AARS1: variants seen among roughly 807,000 people sequenced by gnomAD.
AARS1 encodes alanine--tRNA ligase, cytoplasmic.
Under a neutral mutation model 108.9 loss-of-function variants are expected in AARS1, and 72 were observed. The ratio of observed to expected loss-of-function variants is 0.66; its 90% CI spans 0.55 to 0.80. The LOEUF (loss-of-function observed/expected upper bound fraction) is 0.80, where lower values mean the gene tolerates loss of function less well. AARS1 is among the 30% of genes least tolerant of loss of function. The probability of loss-of-function intolerance (pLI) is 0.00; values close to 1 mark genes in which losing one functional copy is unlikely to be tolerated. For synonymous variants in AARS1, 489 were observed against 465.7 expected (o/e 1.05, Z -0.64); for missense variants, 1,193 against 1,233.2 (o/e 0.97, Z 0.49).
Position 70,282,754 on chromosome 16 carries a change from T to C in AARS1, c.10A>G (p.Thr4Ala). 6.2e-7 allele frequency: 1 copy of C among 1,613,594 alleles called. No individual in the cohort carries two copies. The highest frequency in any genetic ancestry group is 8.5e-7 in the Non-Finnish European group (1 of 1,179,938). Residue 4 changes from threonine (T) to alanine (A), a missense_variant, in exon 2 of 21, where the codon ACT (threonine) becomes GCT (alanine). Coordinates refer to ENST00000261772, the MANE Select transcript of AARS1 (RefSeq NM_001605.3). The stretch of plus-strand genomic sequence containing the variant: ...TGCCGGATTTCACTTGCTGTTAGAG[T>C]AGAGTCCATCTTGAAAGTCACCCCA... The part of the protein sequence containing the change: MDS[T>A]LTASEIRQRF...
Position 70,265,519 on chromosome 16 carries a change from C to T in AARS1, c.1347+19G>A. 5 of 1,613,624 alleles carry T rather than the reference C, an allele frequency of 3.1e-6. No individual in the cohort carries two copies. The highest frequency in any genetic ancestry group is 4.2e-6 in the Non-Finnish European group (5 of 1,179,788). On this transcript the variant is annotated intron_variant, in intron 10 of 20. Coordinates refer to ENST00000261772, the MANE Select transcript of AARS1 (RefSeq NM_001605.3). ...GTTGGAAGGTGTTGGGTTTCCTGTT[C>T]ACTCTCCAAGTTCTTTACCTGGGCC... is the stretch of plus-strand genomic sequence containing the variant.
intron 1 of AARS1, among the ~76,000 whole-genome samples, chr16:70,288,952 C>T (rs938477941): frequency 6.6e-6 from 1 of 152,080 alleles, no homozygotes; most frequent in African/African-American, 2.4e-5. Flanking sequence ...TCCTTTAACA[C>T]CAAGTTCGGA....
At position 70,254,746 on chromosome 16, in the gene AARS1, C is replaced by T. The variant is rs749357717; in HGVS notation, c.2287-12G>A. The stretch of plus-strand genomic sequence containing the variant: ...GCTTTCCTGAGGGCCTGGGAGGGGA[C>T]ACCGGGTCAACCCCAAGCAGGAGGT... On this transcript the variant is annotated splice_polypyrimidine_tract_variant and intron_variant, in intron 16 of 20. Transcript: ENST00000261772. 1.3e-6 allele frequency: 2 copies of T among 1,575,014 alleles called. No individual in the cohort carries two copies. Among genetic ancestry groups the T allele is most frequent in the Non-Finnish European group, 1.7e-6 (2 of 1,144,864 alleles).
At chr16:70,255,193 C>CCTT (rs1567601605) in intron 16 of AARS1, among the ~76,000 whole-genome samples, 2 of 124,740 alleles carry the variant, frequency 1.6e-5, no homozygotes, top group African/African-American at 6.4e-5. Context: ...GCCAGATTCA[C>CCTT]ATTTTTTTTT....
intron 18 of AARS1, 33 bp from the exon 19 acceptor site, chr16:70,253,833 ACCAAAAGCCCAGG>A: frequency 1.2e-6 from 2 of 1,614,176 alleles, no homozygotes; most frequent in Non-Finnish European, 1.7e-6. Flanking sequence ...AGCAGCTCAG[ACCAAAAGCCCAGG>A]CCCCGAACCC....
Position 70,265,621 on chromosome 16 carries a change from C to T in AARS1, c.1264G>A (p.Val422Met). 6.2e-7 allele frequency: 1 copy of T among 1,613,994 alleles called. No individual in the cohort carries two copies. Among genetic ancestry groups the T allele is most frequent in the Non-Finnish European group, 8.5e-7 (1 of 1,179,948 alleles). Reference protein sequence around the residue: ...WLLYDTYGFPVDLTGLIAEEK... With the variant: ...WLLYDTYGFPMDLTGLIAEEK... ...TCAGCAATCAGTCCAGTCAGATCCA[C>T]TGGAAACCCATAGGTGTCATAGAGG... Residue 422 changes from valine (V) to methionine (M), a missense_variant, in exon 10 of 21, where the codon GTG becomes ATG. Transcript: ENST00000261772.
chr16:70,253,211 G>T, intron 20 of AARS1, 57 bp downstream of exon 20: 1 of 1,407,574 alleles, frequency 7.1e-7, no homozygotes, highest in Non-Finnish European at 1.0e-6. Context: ...ACACACACAG[G>T]CCTCAGCCAA....
intron 5 of AARS1, among the ~76,000 whole-genome samples, chr16:70,270,657 A>G (rs1355798392): frequency 6.6e-6 from 1 of 151,488 alleles, no homozygotes; most frequent in Non-Finnish European, 1.5e-5. Context: ...GCTCAACATG[A>G]AGAAACCCCA....
At chr16:70,288,098 CTTTT>C (rs34369477) in intron 1 of AARS1, among the ~76,000 whole-genome samples, 7 of 83,884 alleles carry the variant, frequency 8.3e-5, no homozygotes, top group East Asian at 3.8e-4. Context: ...TCCCCTTCTT[CTTTT>C]TTTTTTTTTT....
At chr16:70,276,668 C>A (rs1238145363) in intron 3 of AARS1, 37 bp from the exon 4 acceptor site, 3 of 1,611,000 alleles carry the variant, frequency 1.9e-6, no homozygotes, top group East Asian at 4.5e-5. Flanking sequence ...TGGAACATTG[C>A]CAAACCAAAA....
At chr16:70,286,169 C>T (rs1192912826) in intron 1 of AARS1, among the ~76,000 whole-genome samples, 3 of 151,970 alleles carry the variant, frequency 2.0e-5, no homozygotes, top group African/African-American at 4.8e-5. Flanking sequence ...TTTATTTATT[C>T]AATCTAAATT....
intron 2 of AARS1, among the ~76,000 whole-genome samples, chr16:70,279,922 GCT>G (rs895154238): frequency 8.6e-5 from 13 of 151,828 alleles, no homozygotes; most frequent in Non-Finnish European, 1.5e-4. Context: ...ACAGGGTCTT[GCT>G]CTGTCACCCT....
intron 11 of AARS1, 70 bp from the exon 12 acceptor site, chr16:70,262,594 T>G: frequency 6.8e-7 from 1 of 1,474,336 alleles, no homozygotes; most frequent in African/African-American, 1.4e-5. Context: ...TTGGCTGACT[T>G]TTGCTGGATT....
At chr16:70,263,170 G>A (rs1411814905) in intron 11 of AARS1, among the ~76,000 whole-genome samples, 1 of 151,904 alleles carries the variant, frequency 6.6e-6, no homozygotes, top group African/African-American at 2.4e-5. Flanking sequence ...CAGAAACTTG[G>A]TGCATCAGAT....
At position 70,280,935 on chromosome 16, in the gene AARS1, G is replaced by A. The variant is rs545825411; in HGVS notation, c.144+1685C>T. ...CTTGACCTCCCAGGCTCAAGCAATCGTCCCGCCTCAGCCTCCCCAGAAGCT... is the reference window on the plus strand; with the variant it reads ...CTTGACCTCCCAGGCTCAAGCAATCATCCCGCCTCAGCCTCCCCAGAAGCT... On this transcript the variant is annotated intron_variant, in intron 2 of 20. Transcript: ENST00000261772. 5.9e-5 allele frequency among the ~76,000 whole-genome samples: 9 copies of A among 152,006 alleles called. No homozygotes were observed. In the South Asian group the frequency reaches 8.3e-4, roughly 14 times the overall value.
chr16:70,287,697 C>T (rs865906407), intron 1 of AARS1, among the ~76,000 whole-genome samples: 4 of 151,994 alleles, frequency 2.6e-5, no homozygotes, highest in African/African-American at 4.8e-5. Context: ...GAGCTATGGT[C>T]ACACCAAAAC....
chr16:70,277,156 TA>T lies in AARS1; in HGVS notation c.145-3del. ...TGTGTTCAGGAAAATGGGTTTAAACTAAAAGAGAAGGACAGCAGTTCAACTT... is the reference window on the plus strand; with the variant it reads ...TGTGTTCAGGAAAATGGGTTTAAACTAAAGAGAAGGACAGCAGTTCAACTT... On this transcript the variant is annotated splice_polypyrimidine_tract_variant and splice_region_variant and intron_variant, in intron 2 of 20. Transcript: ENST00000261772. The T allele has an allele frequency of 6.2e-7, 1 of 1,614,036 alleles. No homozygotes were observed. Among genetic ancestry groups the T allele is most frequent in the Non-Finnish European group, 8.5e-7 (1 of 1,179,970 alleles).
At position 70,273,906 on chromosome 16, in the gene AARS1, G is replaced by A. The variant is rs527980965; in HGVS notation, c.480-1934C>T. 4.0e-5 allele frequency among the ~76,000 whole-genome samples: 6 copies of A among 150,448 alleles called. No individual in the cohort carries two copies. In the East Asian group the frequency reaches 9.8e-4, roughly 24 times the overall value. On this transcript the variant is annotated intron_variant, in intron 4 of 20. Coordinates refer to ENST00000261772, the MANE Select transcript of AARS1 (RefSeq NM_001605.3). ...AAAAAAAATTAGCCAGGCAGGTGGC[G>A]AATGCTTCTAGTCCTAGTTACTCGG...
intron 13 of AARS1, 105 bp from the exon 14 acceptor site, chr16:70,259,291 T>C (rs1960078388): frequency 3.4e-6 from 4 of 1,190,868 alleles, no homozygotes; most frequent in African/African-American, 1.5e-5. Context: ...GAAATATGGC[T>C]GTGCAGAATA....
Sources: allele counts gnomAD v4.1 joint callset (sites outside exome capture counted in the v4.1 genomes callset), GRCh38; gene constraint gnomAD v4.1.1; transcripts MANE v1.5; gene names NCBI Gene and HGNC (gene_info 2026-07-23, HGNC 2026-07-21).